LPA: variants seen among roughly 807,000 people sequenced by gnomAD.
The protein encoded by LPA is lipoprotein(a).
In LPA, 199 loss-of-function variants were observed where a neutral mutation model predicts 197.9. That is an observed-to-expected ratio of 1.01 (90% CI 0.90 to 1.13). The LOEUF (loss-of-function observed/expected upper bound fraction) is 1.13, where lower values mean the gene tolerates loss of function less well. Ranked by LOEUF, LPA falls within the 50% of genes most tolerant of loss-of-function variation. The pLI is 0.00. For synonymous variants in LPA, 715 were observed against 639.5 expected (o/e 1.12, Z -1.78); for missense variants, 1,853 against 1,785.8 (o/e 1.04, Z -0.68).
chr6:160,572,416 G>A, intron 28 of LPA, among the ~76,000 whole-genome samples: 1 of 152,168 alleles, frequency 6.6e-6, no homozygotes, highest in East Asian at 1.9e-4. Context: ...AGGTGCCACT[G>A]CATTCATCAT....
intron 18 of LPA, 63 bp from the exon 19 acceptor site, chr6:160,601,161 T>C: frequency 6.8e-7 from 1 of 1,479,370 alleles, no homozygotes; most frequent in Non-Finnish European, 9.5e-7. Flanking sequence ...CACTGTATAT[T>C]TTGCTACAAC....
chr6:160,541,420 T>G (rs1583566634), intron 34 of LPA, among the ~76,000 whole-genome samples: 2 of 152,330 alleles, frequency 1.3e-5, no homozygotes. Context: ...AGGCACAGCC[T>G]GTCCCCAGGA....
chr6:160,647,849 A>C (rs1262287639), intron 2 of LPA, among the ~76,000 whole-genome samples: 3 of 152,254 alleles, frequency 2.0e-5, no homozygotes, highest in Admixed American at 2.0e-4. Flanking sequence ...TCATTTAAAA[A>C]GATATAAACG....
intron 28 of LPA, among the ~76,000 whole-genome samples, chr6:160,569,354 C>A (rs1361154137): frequency 6.6e-6 from 1 of 151,856 alleles, no homozygotes; most frequent in African/African-American, 2.4e-5. Context: ...TGATCTATGA[C>A]AAACCTGACA....
rs571572363 is a variant in LPA at position 160,531,622 on chromosome 6, G to T, written c.*107C>A. On this transcript the variant is annotated 3_prime_UTR_variant, in exon 39 of 39. Coordinates refer to ENST00000316300, the MANE Select transcript of LPA (RefSeq NM_005577.4). Reference sequence around the variant, plus strand: ...CAAGGTTTGGCATAGCTGGTAGCTGGGAACAGTGTCTTCGTTTGATTGCTG... The same window carrying T: ...CAAGGTTTGGCATAGCTGGTAGCTGTGAACAGTGTCTTCGTTTGATTGCTG... 935 of 1,468,380 alleles carry T rather than the reference G, an allele frequency of 6.4e-4. 11 individuals carry two copies. The South Asian group carries it at 9.6e-3, about 15-fold the overall frequency. 91.0% of individuals were successfully genotyped at this position (1,468,380 alleles called of 1,614,324 possible). A position where few individuals can be genotyped will look rare whatever the true frequency, so the allele number is the denominator to read the frequency against.
At chr6:160,599,698 T>C (rs746053624) in intron 19 of LPA, 39 bp from the exon 20 acceptor site, 39 of 1,611,952 alleles carry the variant, frequency 2.4e-5, no homozygotes, top group Middle Eastern at 1.6e-4. Context: ...TATTATTTCC[T>C]AGAACAGAAA....
At chr6:160,587,477 T>C (rs1301608027) in intron 24 of LPA, among the ~76,000 whole-genome samples, 1 of 152,168 alleles carries the variant, frequency 6.6e-6, no homozygotes, top group Non-Finnish European at 1.5e-5. Context: ...CTTTTTTTCT[T>C]TTTAGCTTTG....
chr6:160,590,879 A>C (rs544270646), intron 23 of LPA, 65 bp downstream of exon 23: 2 of 1,603,828 alleles, frequency 1.2e-6, no homozygotes, highest in African/African-American at 2.7e-5. Context: ...CTGTATCACT[A>C]AGATTTTGCA....
At chr6:160,593,828 C>G in intron 22 of LPA, 130 bp downstream of exon 22, 1 of 1,165,716 alleles carries the variant, frequency 8.6e-7, no homozygotes, top group Non-Finnish European at 1.3e-6. Context: ...AAGAAAGAAG[C>G]CTGAGACATT....
intron 19 of LPA, among the ~76,000 whole-genome samples, chr6:160,600,469 A>C (rs1403491458): frequency 6.6e-6 from 1 of 152,150 alleles, no homozygotes; most frequent in East Asian, 1.9e-4. Flanking sequence ...TATGGAATTA[A>C]TGCAACCCAG....
At chr6:160,583,602 T>C (rs534014374) in intron 26 of LPA, among the ~76,000 whole-genome samples, 31 of 152,282 alleles carry the variant, frequency 2.0e-4, no homozygotes, top group Non-Finnish European at 3.4e-4. Context: ...CCCCAGTAGC[T>C]GTTCTTTGTT....
chr6:160,643,092 G>GT (rs1779867521), intron 4 of LPA, among the ~76,000 whole-genome samples: 1 of 127,496 alleles, frequency 7.8e-6, no homozygotes, highest in African/African-American at 2.7e-5. Context: ...CAGTGTGTGT[G>GT]TGTGTGTGTG....
At chr6:160,581,991 T>C (rs1213639671) in intron 26 of LPA, among the ~76,000 whole-genome samples, 8 of 152,168 alleles carry the variant, frequency 5.3e-5, no homozygotes, top group Admixed American at 5.2e-4. Flanking sequence ...CATATGGTAT[T>C]ATTTTTCTTC....
At chr6:160,574,505 C>T (rs79313042) in intron 28 of LPA, among the ~76,000 whole-genome samples, 6,140 of 152,202 alleles carry the variant, frequency 0.04, 394 homozygotes, top group African/African-American at 0.14. Flanking sequence ...TTTGGCCACA[C>T]TTCTGATGGA....
At chr6:160,610,518 T>C (rs1270109779) in intron 16 of LPA, among the ~76,000 whole-genome samples, 1 of 152,186 alleles carries the variant, frequency 6.6e-6, no homozygotes, top group Non-Finnish European at 1.5e-5. Context: ...CTTGCTGTTC[T>C]CTTGTAGTTG....
chr6:160,550,840 C>G (rs1030087655), intron 30 of LPA, among the ~76,000 whole-genome samples: 1 of 152,188 alleles, frequency 6.6e-6, no homozygotes, highest in Non-Finnish European at 1.5e-5. Flanking sequence ...TTTTGAGCAT[C>G]TTCCATACTA....
intron 1 of LPA, among the ~76,000 whole-genome samples, chr6:160,654,899 G>C (rs953214447): frequency 1.8e-4 from 28 of 152,146 alleles, no homozygotes; most frequent in African/African-American, 6.5e-4. Flanking sequence ...CCAGTCCTTA[G>C]TCTTCCCTTC....
intron 28 of LPA, among the ~76,000 whole-genome samples, chr6:160,568,540 G>A (rs896271086): frequency 6.6e-6 from 1 of 152,092 alleles, no homozygotes. Context: ...ATACTGAATG[G>A]GCAAAAACTG....
rs201948623 is a variant in LPA, at chr6:160,611,604, G to A, written c.2561C>T (p.Thr854Ile). 38 of 1,601,372 alleles carry A rather than the reference G, an allele frequency of 2.4e-5. No individual in the cohort carries two copies. The highest frequency in any genetic ancestry group is 2.0e-4 in the Middle Eastern group (1 of 4,884). Reference sequence around the variant, plus strand: ...TGGGGTCCGACTATGCGAGTGTGGTGTCATAGATGACCAAGCTTGGCAGGT... The same window carrying A: ...TGGGGTCCGACTATGCGAGTGTGGTATCATAGATGACCAAGCTTGGCAGGT... ...GRTCQAWSSMTPHSHSRTPEY... is the reference protein window; with the variant it reads ...GRTCQAWSSMIPHSHSRTPEY... The change falls in exon 16 of 39, where the codon ACA becomes ATA. Residue 854 changes from threonine (T) to isoleucine (I), a missense_variant. Physicochemically the swap from Thr to Ile is moderately conservative, Grantham distance 89. Coordinates refer to ENST00000316300, the MANE Select transcript of LPA (RefSeq NM_005577.4).
Sources: allele counts gnomAD v4.1 joint callset (sites outside exome capture counted in the v4.1 genomes callset), GRCh38; gene constraint gnomAD v4.1.1; transcripts MANE v1.5; gene names NCBI Gene and HGNC (gene_info 2026-07-23, HGNC 2026-07-21).